CDH8: variants seen among roughly 807,000 people sequenced by gnomAD.
CDH8 encodes the protein cadherin 8, also known as cadherin-8.
Under a neutral mutation model 68.1 loss-of-function variants are expected in CDH8, and 17 were observed. The ratio of observed to expected loss-of-function variants is 0.25; its 90% CI spans 0.17 to 0.37. The LOEUF (loss-of-function observed/expected upper bound fraction) is 0.37, where lower values mean the gene tolerates loss of function less well. CDH8 is among the 10% of genes least tolerant of loss of function. CDH8 has a pLI of 1.00. For missense variants in CDH8, 763 were observed against 999.3 expected (o/e 0.76, Z 3.19); for synonymous variants, 372 against 365.1 (o/e 1.02, Z -0.21).
chr16:61,707,054 AC>A (rs1964548083), intron 10 of CDH8, among the ~76,000 whole-genome samples: 1 of 152,074 alleles, frequency 6.6e-6, no homozygotes, highest in African/African-American at 2.4e-5. Context: ...CCTGTGCTTT[AC>A]TCATGGACAA....
intron 2 of CDH8, among the ~76,000 whole-genome samples, chr16:61,939,000 C>T (rs936458920): frequency 1.2e-4 from 19 of 152,074 alleles, no homozygotes; most frequent in African/African-American, 4.6e-4. Flanking sequence ...ACGTCCGTCA[C>T]TCAGAAAAAG....
chr16:61,955,831 T>A (rs1241462114), intron 2 of CDH8, among the ~76,000 whole-genome samples: 1 of 152,174 alleles, frequency 6.6e-6, no homozygotes, highest in Non-Finnish European at 1.5e-5. Context: ...GTTCTCTCCA[T>A]GGCAAATGTT....
At chr16:61,703,031 T>C (rs191135293) in intron 10 of CDH8, among the ~76,000 whole-genome samples, 43 of 152,284 alleles carry the variant, frequency 2.8e-4, no homozygotes, top group Non-Finnish European at 4.6e-4. Context: ...TAATCAATAC[T>C]GAGTAATAGA....
chr16:61,695,750 CT>C (rs1464686657), intron 10 of CDH8, among the ~76,000 whole-genome samples: 1 of 152,138 alleles, frequency 6.6e-6, no homozygotes, highest in African/African-American at 2.4e-5. Flanking sequence ...AACTCACAGT[CT>C]AAAACAATAT....
intron 2 of CDH8, among the ~76,000 whole-genome samples, chr16:61,981,002 T>G (rs1473223544): frequency 6.6e-6 from 1 of 152,102 alleles, no homozygotes; most frequent in Admixed American, 6.5e-5. Context: ...ATACAGAAAA[T>G]AGGGATAAAA....
chr16:61,707,641 A>G (rs1368773140), intron 10 of CDH8, among the ~76,000 whole-genome samples: 1 of 152,230 alleles, frequency 6.6e-6, no homozygotes, highest in Non-Finnish European at 1.5e-5. Flanking sequence ...ACATTAGCAG[A>G]TGGAATGTCA....
At chr16:62,019,416 G>A (rs1468846781) in intron 2 of CDH8, among the ~76,000 whole-genome samples, 2 of 152,028 alleles carry the variant, frequency 1.3e-5, no homozygotes, top group African/African-American at 4.8e-5. Flanking sequence ...CCTCACTTTT[G>A]TACCTACAAA....
chr16:62,030,376 T>G (rs1597136820), intron 1 of CDH8, among the ~76,000 whole-genome samples: 1 of 143,008 alleles, frequency 7.0e-6, no homozygotes, highest in Admixed American at 6.9e-5. Flanking sequence ...TTGTTTTTTG[T>G]TTTTTTTTCA....
intron 3 of CDH8, among the ~76,000 whole-genome samples, chr16:61,891,176 T>C (rs1423595441): frequency 6.6e-6 from 1 of 152,102 alleles, no homozygotes; most frequent in Non-Finnish European, 1.5e-5. Context: ...CAAAAACAGT[T>C]GGCAGCCCAT....
intron 8 of CDH8, among the ~76,000 whole-genome samples, chr16:61,776,397 TA>T (rs1286926381): frequency 2.0e-5 from 3 of 151,948 alleles, no homozygotes; most frequent in Middle Eastern, 3.4e-3. Context: ...TGTCCTTAAC[TA>T]ATAACCTCTA....
intron 8 of CDH8, among the ~76,000 whole-genome samples, chr16:61,757,233 T>C (rs1960343852): frequency 6.6e-6 from 1 of 152,094 alleles, no homozygotes; most frequent in Admixed American, 6.5e-5. Flanking sequence ...CAAGGACTAG[T>C]TTTATCCAAA....
intron 2 of CDH8, among the ~76,000 whole-genome samples, chr16:61,984,880 A>G (rs999237756): frequency 1.3e-5 from 2 of 152,150 alleles, no homozygotes; most frequent in African/African-American, 4.8e-5. Flanking sequence ...CCATATAGAT[A>G]ATTTTCCCTG....
intron 2 of CDH8, among the ~76,000 whole-genome samples, chr16:61,953,761 T>TG (rs1053912067): frequency 1.3e-5 from 2 of 151,064 alleles, no homozygotes; most frequent in Admixed American, 6.6e-5. Context: ...TGCAGCTACT[T>TG]GGGGGGCTGA....
At chr16:61,882,344 C>T (rs1234749176) in intron 3 of CDH8, among the ~76,000 whole-genome samples, 3 of 152,180 alleles carry the variant, frequency 2.0e-5, no homozygotes, top group Non-Finnish European at 4.4e-5. Flanking sequence ...TACTGAATTG[C>T]TTAGATCTAG....
Position 61,653,733 on chromosome 16 carries a change from G to A in CDH8, c.2275C>T (p.Leu759Phe). ...GATGTGGTGGACTCCAAGGAGCTGAGGGAGCCAGCCACTGACCCTCGGCCT... is the reference window on the plus strand; with the variant it reads ...GATGTGGTGGACTCCAAGGAGCTGAAGGAGCCAGCCACTGACCCTCGGCCT... ...YEGRGSVAGS[L>F]SSLESTTSDS... Residue 759 changes from leucine (L) to phenylalanine (F), a missense_variant, in exon 12 of 12, where the codon CTC (leucine) becomes TTC (phenylalanine). Leu to Phe is a conservative substitution (Grantham distance 22). This residue lies in a region of CDH8 where 397 missense variants were observed against 436.2 expected (regional missense o/e 0.91). Transcript: ENST00000577390. 1 of 1,614,174 alleles carries A rather than the reference G, an allele frequency of 6.2e-7. No homozygotes were observed. The highest frequency in any genetic ancestry group is 8.5e-7 in the Non-Finnish European group (1 of 1,180,040).
At position 61,653,532 on chromosome 16, in the gene CDH8, A is replaced by C; in HGVS notation, c.*76T>G. On this transcript the variant is annotated 3_prime_UTR_variant, in exon 12 of 12. Transcript: ENST00000577390. ...ACTTGCCTCTAAAACAAATAGCCAC[A>C]TTGGTTGTATCTAAGGGGAGTGACC... 1 of 1,514,536 alleles carries C rather than the reference A, an allele frequency of 6.6e-7. No homozygotes were observed. The highest frequency in any genetic ancestry group is 8.8e-7 in the Non-Finnish European group (1 of 1,132,948). 93.8% of individuals were successfully genotyped at this position (1,514,536 alleles called of 1,614,324 possible).
chr16:61,652,814 C>G lies in CDH8; in HGVS notation c.*794G>C. On this transcript the variant is annotated 3_prime_UTR_variant, in exon 12 of 12. Coordinates refer to ENST00000577390, the MANE Select transcript of CDH8 (RefSeq NM_001796.5). ...ACGCGCTAGCAATAAAACCATCTGT[C>G]TCTTATGTAGTCCACTGTGTGATAC... is the stretch of plus-strand genomic sequence containing the variant. The G allele has an allele frequency of 2.8e-6, 4 of 1,426,792 alleles. No homozygotes were observed. The highest frequency in any genetic ancestry group is 3.7e-6 in the Non-Finnish European group (4 of 1,089,628). The allele number at this position is 1,426,792 out of a possible 1,614,324, so 88.4% of individuals were successfully genotyped here. A position where few individuals can be genotyped will look rare whatever the true frequency, so the allele number is the denominator to read the frequency against.
chr16:61,727,878 A>G (rs1020114243), intron 8 of CDH8, among the ~76,000 whole-genome samples: 1 of 151,110 alleles, frequency 6.6e-6, no homozygotes, highest in Non-Finnish European at 1.5e-5. Context: ...TTCCAATAGC[A>G]GAGAACTCAA....
At chr16:61,717,490 ATTGTT>A (rs2142874600) in intron 9 of CDH8, among the ~76,000 whole-genome samples, 1 of 151,798 alleles carries the variant, frequency 6.6e-6, no homozygotes, top group African/African-American at 2.4e-5. Flanking sequence ...TCTAAATTAG[ATTGTT>A]TTAACAGAGT....
Sources: allele counts gnomAD v4.1 joint callset (sites outside exome capture counted in the v4.1 genomes callset), GRCh38; gene constraint gnomAD v4.1.1; regional missense constraint gnomAD v4.1.1; transcripts MANE v1.5; gene names NCBI Gene and HGNC (gene_info 2026-07-23, HGNC 2026-07-21).